The following ARHGEF6 variants were observed in gnomAD, a reference collection of about 807,000 sequenced individuals.
The protein encoded by ARHGEF6 is Rac/Cdc42 guanine nucleotide exchange factor 6, also known as rho guanine nucleotide exchange factor 6.
Under a neutral mutation model 70.3 loss-of-function variants are expected in ARHGEF6, and 9 were observed. The observed-to-expected ratio is 0.13, with a 90% confidence interval of 0.08 to 0.22. The LOEUF (loss-of-function observed/expected upper bound fraction) is 0.22. Among genes scored for constraint, ARHGEF6 ranks in the 10% least tolerant of loss-of-function variants. ARHGEF6 has a pLI of 1.00. For missense variants in ARHGEF6, 470 were observed against 563.0 expected (o/e 0.83, Z 1.67); for synonymous variants, 201 against 207.8 (o/e 0.97, Z 0.28).
intron 2 of ARHGEF6, among the ~76,000 whole-genome samples, chrX:136,765,822 T>C (rs1362566841): frequency 4.4e-5 from 5 of 112,535 alleles, no homozygotes; most frequent in Non-Finnish European, 7.5e-5. Flanking sequence ...TAATGCCATC[T>C]CTCCTACATC....
Position 136,747,540 on chromosome X carries a change from C to T in ARHGEF6, c.302G>A (p.Ser101Asn). ...YSGVNFSKVL[S>N]TLLAVNKATE... ...TGCTTTGTTGACAGCTAAAAGAGTA[C>T]TCAGTACCTTGGAGAAATTGACCCC... The change falls in exon 3 of 22, where the codon AGT becomes AAT. Residue 101 changes from serine (S) to asparagine (N), a missense_variant. This residue lies in a region of ARHGEF6 where 379 missense variants were observed against 449.3 expected (regional missense o/e 0.84). Transcript: ENST00000250617. The T allele has an allele frequency of 8.3e-7, 1 of 1,209,585 alleles. No homozygotes were observed. The highest frequency in any genetic ancestry group is 3.0e-5 in the East Asian group (1 of 33,805).
At chrX:136,767,444 G>T in intron 2 of ARHGEF6, 1 of 755,118 alleles carries the variant, frequency 1.3e-6, no homozygotes, top group South Asian at 6.7e-5. Context: ...TCTGTGCCGC[G>T]CCCGCAACCT....
At chrX:136,776,496 G>A (rs2077405862) in intron 2 of ARHGEF6, among the ~76,000 whole-genome samples, 1 of 111,765 alleles carries the variant, frequency 8.9e-6, no homozygotes, top group African/African-American at 3.3e-5. Flanking sequence ...ACATGTAGGA[G>A]AATGAACCTG....
intron 5 of ARHGEF6, among the ~76,000 whole-genome samples, chrX:136,735,158 T>G (rs1325188317): frequency 9.0e-6 from 1 of 111,690 alleles, no homozygotes; most frequent in Non-Finnish European, 1.9e-5. Flanking sequence ...AGTCTTGGTC[T>G]AGGATGGGGA....
chrX:136,668,512 T>TTTCTTCTTCTTCTTTTTC (rs2076184987), intron 21 of ARHGEF6, among the ~76,000 whole-genome samples: 1 of 98,393 alleles, frequency 1.0e-5, no homozygotes, highest in African/African-American at 4.1e-5. Flanking sequence ...CAGCCTGGTA[T>TTTCTTCTTCTTCTTTTTC]TTCTTCTTCT....
At chrX:136,711,199 C>T (rs1459975671) in intron 7 of ARHGEF6, among the ~76,000 whole-genome samples, 2 of 112,041 alleles carry the variant, frequency 1.8e-5, no homozygotes, top group Non-Finnish European at 3.8e-5. Context: ...TCATTAAATC[C>T]TCTTATTGTT....
At chrX:136,740,826 T>C (rs1000808986) in intron 5 of ARHGEF6, among the ~76,000 whole-genome samples, 2 of 111,860 alleles carry the variant, frequency 1.8e-5, no homozygotes, top group Non-Finnish European at 3.8e-5. Flanking sequence ...AAAGACACTG[T>C]ATCAGGGAAC....
At chrX:136,695,459 T>C (rs2076500442) in intron 9 of ARHGEF6, among the ~76,000 whole-genome samples, 1 of 112,721 alleles carries the variant, frequency 8.9e-6, no homozygotes, top group South Asian at 3.6e-4. Context: ...GAAGCTTTAC[T>C]TAATTATAAA....
chrX:136,697,541 G>A (rs1388766796), intron 9 of ARHGEF6, among the ~76,000 whole-genome samples: 1 of 112,294 alleles, frequency 8.9e-6, no homozygotes, highest in Non-Finnish European at 1.9e-5. Context: ...ACACCTGGAT[G>A]TGATACCAAA....
intron 2 of ARHGEF6, among the ~76,000 whole-genome samples, chrX:136,774,612 C>A (rs2077388511): frequency 1.1e-5 from 1 of 93,895 alleles, no homozygotes; most frequent in African/African-American, 4.2e-5. Flanking sequence ...GATGACACCA[C>A]TGCACTCCAG....
chrX:136,770,004 A>C lies in ARHGEF6; in HGVS notation c.249+9410T>G, dbSNP rs141616996. 4.1e-3 allele frequency among the ~76,000 whole-genome samples: 461 copies of C among 112,810 alleles called. 3 individuals carry two copies. Among genetic ancestry groups the C allele is most frequent in the African/African-American group, 0.014 (439 of 31,072 alleles). ...ATTTTCATCCATCAGTTTAGCAAACATTAAAGACAAATAATATCCAGTGTT... is the reference window on the plus strand; with the variant it reads ...ATTTTCATCCATCAGTTTAGCAAACCTTAAAGACAAATAATATCCAGTGTT... On this transcript the variant is annotated intron_variant, in intron 2 of 21. Transcript: ENST00000250617.
intron 9 of ARHGEF6, among the ~76,000 whole-genome samples, chrX:136,702,794 T>A (rs772686920): frequency 3.1e-4 from 35 of 112,256 alleles, no homozygotes; most frequent in African/African-American, 1.0e-3. Context: ...ATTTAACATC[T>A]CTCTATCAGG....
chrX:136,715,512 A>ACAGG (rs2076728137), intron 6 of ARHGEF6, among the ~76,000 whole-genome samples: 1 of 111,202 alleles, frequency 9.0e-6, no homozygotes, highest in Non-Finnish European at 1.9e-5. Context: ...TAAATCTGTC[A>ACAGG]GAAAAGAGAG....
At chrX:136,711,841 G>A (rs918241917) in intron 7 of ARHGEF6, among the ~76,000 whole-genome samples, 3 of 111,163 alleles carry the variant, frequency 2.7e-5, no homozygotes, top group Non-Finnish European at 3.8e-5. Context: ...GATTACAGGC[G>A]TCAGCCAACG....
intron 2 of ARHGEF6, among the ~76,000 whole-genome samples, chrX:136,764,396 T>C (rs1237301210): frequency 5.4e-5 from 6 of 111,800 alleles, no homozygotes; most frequent in South Asian, 3.7e-4. Context: ...AACAAGTGAA[T>C]AGAAAAACAA....
At chrX:136,749,118 A>G (rs141143345) in intron 2 of ARHGEF6, among the ~76,000 whole-genome samples, 2 of 112,398 alleles carry the variant, frequency 1.8e-5, no homozygotes, top group East Asian at 5.5e-4. Flanking sequence ...TTAAACAACA[A>G]CACATTCCAA....
chrX:136,757,347 G>A (rs370295325), intron 2 of ARHGEF6, among the ~76,000 whole-genome samples: 9 of 112,420 alleles, frequency 8.0e-5, no homozygotes, highest in Middle Eastern at 4.6e-3. Flanking sequence ...AGCCTGTCAC[G>A]CTCTAGCCTG....
At chrX:136,742,262 C>T (rs1366614535) in intron 5 of ARHGEF6, among the ~76,000 whole-genome samples, 9 of 111,288 alleles carry the variant, frequency 8.1e-5, no homozygotes, top group African/African-American at 3.3e-5. Context: ...GAGTGTGCAG[C>T]AAGCCGAGAT....
intron 7 of ARHGEF6, among the ~76,000 whole-genome samples, chrX:136,710,711 G>A (rs1389117937): frequency 9.0e-6 from 1 of 110,755 alleles, no homozygotes; most frequent in African/African-American, 3.3e-5. Flanking sequence ...TACTATCACT[G>A]CATTCTGAAT....
Sources: gnomAD v4.1 joint callset for allele counts (sites outside exome capture counted in the v4.1 genomes callset) on GRCh38, gnomAD v4.1.1 for gene constraint, gnomAD v4.1.1 regional missense constraint, MANE v1.5 for transcripts, NCBI Gene and HGNC (gene_info 2026-07-23, HGNC 2026-07-21) for gene names.